Variants in TRPC3 observed in about 807,000 individuals in gnomAD.
TRPC3 encodes short transient receptor potential channel 3.
A neutral mutation model predicts 90.9 loss-of-function variants in TRPC3; 54 were observed. That is an observed-to-expected ratio of 0.59 (90% confidence interval 0.48 to 0.75). TRPC3 has a LOEUF of 0.75. Among genes scored for constraint, TRPC3 ranks in the 30% least tolerant of loss-of-function variants. The pLI, the probability that TRPC3 is intolerant of heterozygous loss-of-function variation, is 0.00. For synonymous variants in TRPC3, 424 were observed against 450.9 expected (o/e 0.94, Z 0.75); for missense variants, 918 against 1,194.5 (o/e 0.77, Z 3.41).
rs1333743720 is a variant in TRPC3 at position 121,951,004 on chromosome 4, G to C, written c.215+462C>G. The stretch of plus-strand genomic sequence containing the variant: ...CCCAAGTCCACGCTGGGACGCCCGG[G>C]AGGAGTTCAGGGTTCAAGTGCGCGC... On this transcript the variant is annotated intron_variant, in intron 1 of 11. Transcript: ENST00000379645. The surrounding 1 kb of genome is among the most constrained non-coding windows in gnomAD (Gnocchi z 4.4). 6.6e-6 allele frequency: 1 copy of C among 152,484 alleles called. No homozygotes were observed. The highest frequency in any genetic ancestry group is 1.5e-5 in the Non-Finnish European group (1 of 68,278). The allele number at this position is 152,484 out of a possible 1,614,324, so 9.4% of individuals were successfully genotyped here. A position where few individuals can be genotyped will look rare whatever the true frequency, so the allele number is the denominator to read the frequency against.
At chr4:121,911,838 T>C in intron 5 of TRPC3, 39 bp downstream of exon 5, 5 of 1,547,330 alleles carry the variant, frequency 3.2e-6, no homozygotes, top group Non-Finnish European at 4.4e-6. Context: ...TATAATTACC[T>C]TTTGGTAGAA....
chr4:121,933,154 A>C, intron 1 of TRPC3, 112 bp from the exon 2 acceptor site: 1 of 1,418,218 alleles, frequency 7.1e-7, no homozygotes, highest in Non-Finnish European at 9.2e-7. Flanking sequence ...CTCTGGCTGC[A>C]GGGGTCGGCT....
chr4:121,886,830 T>C (rs1728139531), intron 10 of TRPC3, among the ~76,000 whole-genome samples: 1 of 152,078 alleles, frequency 6.6e-6, no homozygotes, highest in Non-Finnish European at 1.5e-5. Context: ...AATATATAAG[T>C]AGAGAGTTTA....
chr4:121,886,616 C>T (rs58589670), intron 10 of TRPC3, among the ~76,000 whole-genome samples: 1,613 of 152,224 alleles, frequency 0.011, 24 homozygotes, highest in African/African-American at 0.037. Context: ...AACTATCGGT[C>T]CAAATTCTGT....
At chr4:121,930,177 G>C (rs910421024) in intron 2 of TRPC3, among the ~76,000 whole-genome samples, 5 of 152,130 alleles carry the variant, frequency 3.3e-5, no homozygotes, top group Non-Finnish European at 5.9e-5. Flanking sequence ...TTGAGTTAGG[G>C]GAGAGAGACA....
At chr4:121,925,260 G>C in intron 2 of TRPC3, 54 bp from the exon 3 acceptor site, 2 of 1,538,044 alleles carry the variant, frequency 1.3e-6, no homozygotes, top group Non-Finnish European at 1.8e-6. Context: ...TTATTCAGTG[G>C]AAAGTATTTG....
intron 2 of TRPC3, among the ~76,000 whole-genome samples, chr4:121,928,486 G>C (rs1729792083): frequency 6.6e-6 from 1 of 152,226 alleles, no homozygotes; most frequent in African/African-American, 2.4e-5. Flanking sequence ...AACCATCTAT[G>C]TAAAGTTCAC....
chr4:121,923,836 T>A (rs1275670150), intron 3 of TRPC3, among the ~76,000 whole-genome samples: 1 of 152,194 alleles, frequency 6.6e-6, no homozygotes, highest in Admixed American at 6.5e-5. Context: ...CTTTGTAAAT[T>A]GACCAACTTC....
chr4:121,903,121 T>C, intron 8 of TRPC3, 60 bp from the exon 9 acceptor site: 1 of 1,447,588 alleles, frequency 6.9e-7, no homozygotes, highest in East Asian at 2.4e-5. Context: ...TAGTGACTGT[T>C]GCTAATAGGT....
intron 10 of TRPC3, among the ~76,000 whole-genome samples, chr4:121,883,306 A>ATTTAAAATTTCT (rs1195675824): frequency 3.3e-5 from 5 of 152,142 alleles, no homozygotes; most frequent in African/African-American, 1.2e-4. Context: ...CTTCATTACA[A>ATTTAAAATTTCT]TTTAAAATTT....
At position 121,932,582 on chromosome 4, in the gene TRPC3, C is replaced by T. The variant is rs761478541; in HGVS notation, c.676G>A (p.Asp226Asn). The T allele has an allele frequency of 6.2e-7, 1 of 1,614,094 alleles. No homozygotes were observed. The highest frequency in any genetic ancestry group is 1.3e-5 in the African/African-American group (1 of 74,938). Reference protein sequence around the residue: ...QDDDFYAYDEDGTRFSPDITP... With the variant: ...QDDDFYAYDENGTRFSPDITP... ...ATGTCCGGCGAGAAGCGCGTGCCGTCCTCGTCGTAAGCGTAGAAGTCGTCG... is the reference window on the plus strand; with the variant it reads ...ATGTCCGGCGAGAAGCGCGTGCCGTTCTCGTCGTAAGCGTAGAAGTCGTCG... Residue 226 changes from aspartate (D) to asparagine (N), a missense_variant, in exon 2 of 12, where the codon GAC becomes AAC. Physicochemically the swap from Asp to Asn is conservative, Grantham distance 23 (BLOSUM62 1). This residue lies in a region of TRPC3 where 609 missense variants were observed against 725.9 expected (regional missense o/e 0.84). Transcript: ENST00000379645. The surrounding 1 kb of genome is among the most constrained non-coding windows in gnomAD (Gnocchi z 7.7).
chr4:121,908,213 G>A (rs1418164460), intron 6 of TRPC3, among the ~76,000 whole-genome samples: 1 of 152,094 alleles, frequency 6.6e-6, no homozygotes, highest in African/African-American at 2.4e-5. Flanking sequence ...GACCTGTCAG[G>A]TCAATGAAAT....
intron 7 of TRPC3, among the ~76,000 whole-genome samples, chr4:121,905,433 A>C (rs1713069462): frequency 6.6e-6 from 1 of 152,114 alleles, no homozygotes; most frequent in Non-Finnish European, 1.5e-5. Context: ...TAATTTATAT[A>C]ATGTACTTCC....
At chr4:121,950,275 C>G (rs1730665598) in intron 1 of TRPC3, among the ~76,000 whole-genome samples, 1 of 152,140 alleles carries the variant, frequency 6.6e-6, no homozygotes, top group Non-Finnish European at 1.5e-5. Context: ...TCTGCGCGCG[C>G]GGAGCAGCGC....
chr4:121,936,996 G>A (rs1730153181), intron 1 of TRPC3, among the ~76,000 whole-genome samples: 1 of 152,176 alleles, frequency 6.6e-6, no homozygotes, highest in African/African-American at 2.4e-5. Context: ...AGGCTCTTCT[G>A]AGAAATATTG....
At chr4:121,950,338 G>A (rs1293740782) in intron 1 of TRPC3, among the ~76,000 whole-genome samples, 1 of 152,202 alleles carries the variant, frequency 6.6e-6, no homozygotes, top group Middle Eastern at 3.2e-3. Context: ...CGGGCGGTGG[G>A]CCTCTCGCCG....
chr4:121,941,667 C>T (rs1730317105), intron 1 of TRPC3, among the ~76,000 whole-genome samples: 1 of 152,140 alleles, frequency 6.6e-6, no homozygotes. Context: ...CCATAATCTC[C>T]CTGGCAAGCA....
intron 10 of TRPC3, among the ~76,000 whole-genome samples, chr4:121,887,294 T>C (rs897063289): frequency 2.6e-5 from 4 of 152,260 alleles, no homozygotes; most frequent in African/African-American, 9.6e-5. Flanking sequence ...ACATAGCATG[T>C]AGCGTTATGT....
At chr4:121,934,132 A>G (rs1487577583) in intron 1 of TRPC3, among the ~76,000 whole-genome samples, 1 of 152,224 alleles carries the variant, frequency 6.6e-6, no homozygotes, top group Non-Finnish European at 1.5e-5. Flanking sequence ...ATGTCAATTG[A>G]TGTGTACAGT....
Sources: allele counts gnomAD v4.1 joint callset (sites outside exome capture counted in the v4.1 genomes callset), GRCh38; gene constraint gnomAD v4.1.1; regional missense constraint gnomAD v4.1.1; non-coding constraint Gnocchi (gnomAD v3.1); transcripts MANE v1.5; gene names NCBI Gene and HGNC (gene_info 2026-07-23, HGNC 2026-07-21).